The following KNDC1 variants were observed in gnomAD, a reference collection of about 807,000 sequenced individuals.
KNDC1 encodes the protein kinase non-catalytic C-lobe domain-containing protein 1.
KNDC1 carries 106 observed loss-of-function variants against 172.8 expected under a neutral mutation model. The observed-to-expected ratio is 0.61, with a 90% CI of 0.52 to 0.72. The LOEUF is 0.72. KNDC1 is among the 30% of genes least tolerant of loss of function. The probability of loss-of-function intolerance (pLI) is 0.00; values close to 1 mark genes in which losing one functional copy is unlikely to be tolerated. For synonymous variants in KNDC1, 1,083 were observed against 1,062.2 expected (o/e 1.02, Z -0.38); for missense variants, 2,325 against 2,394.5 (o/e 0.97, Z 0.61).
In KNDC1 at chr10:133,207,512, G is replaced by A. The variant is rs144156034; in HGVS notation, c.3794+161G>A. Among the ~76,000 whole-genome samples the A allele has an allele frequency of 2.2e-3, 330 of 152,360 alleles. 2 individuals are homozygous for A. Among genetic ancestry groups the A allele is most frequent in the Non-Finnish European group, 3.8e-3 (259 of 68,026 alleles). On this transcript the variant is annotated intron_variant, in intron 20 of 29. Coordinates refer to ENST00000304613, the MANE Select transcript of KNDC1 (RefSeq NM_152643.8). The stretch of plus-strand genomic sequence containing the variant: ...AGGCCAATGTGCACTAGGTGCCACC[G>A]GCAGCTTTGCAGAGCCCTGGCCAGA...
In KNDC1 at chr10:133,198,722, A is replaced by C. The variant is rs780880273; in HGVS notation, c.2214A>C (p.Pro738=). 1.9e-6 allele frequency: 3 copies of C among 1,576,398 alleles called. No homozygotes were observed. Among genetic ancestry groups the C allele is most frequent in the Non-Finnish European group, 2.6e-6 (3 of 1,162,024 alleles). The change falls in exon 14 of 30, where the codon CCA becomes CCC. Residue 738 remains proline (P), a synonymous_variant. Transcript: ENST00000304613. ...TPDGPVPGPG[P]QGAAPEPLGA... ...ACGGGCCGGTGCCTGGTCCGGGGCC[A>C]CAGGGAGCAGCCCCAGAGCCTCTTG...
At position 133,167,589 on chromosome 10, in the gene KNDC1, C is replaced by T. The variant is rs748596333; in HGVS notation, c.301+10C>T. On this transcript the variant is annotated intron_variant, in intron 2 of 29. Coordinates refer to ENST00000304613, the MANE Select transcript of KNDC1 (RefSeq NM_152643.8). ...ATGGAGCAGCTCAGCGGTGAGGCGG[C>T]GGTGGCGGTGGCGGCGGCGGCGGGC... is the stretch of plus-strand genomic sequence containing the variant. 206 of 1,566,058 alleles carry T rather than the reference C, an allele frequency of 1.3e-4. No homozygotes were observed. Among genetic ancestry groups the T allele is most frequent in the Non-Finnish European group, 1.7e-4 (192 of 1,156,544 alleles).
chr10:133,184,718 G>A (rs1564883228), intron 5 of KNDC1, among the ~76,000 whole-genome samples: 1 of 152,268 alleles, frequency 6.6e-6, no homozygotes, highest in Non-Finnish European at 1.5e-5. Context: ...TGCCAGCCTT[G>A]CAGGCACCCA....
intron 9 of KNDC1, among the ~76,000 whole-genome samples, chr10:133,190,633 T>C (rs1854051997): frequency 6.6e-6 from 1 of 152,252 alleles, no homozygotes; most frequent in Admixed American, 6.5e-5. Flanking sequence ...CTTTTTCATC[T>C]TCTGGGGATG....
chr10:133,197,662 ACCT>A lies in KNDC1; in HGVS notation c.1813-7_1813-5del. The A allele has an allele frequency of 6.2e-7, 1 of 1,603,696 alleles. No individual in the cohort carries two copies. Among genetic ancestry groups the A allele is most frequent in the Non-Finnish European group, 8.5e-7 (1 of 1,172,326 alleles). On this transcript the variant is annotated splice_polypyrimidine_tract_variant and intron_variant, in intron 11 of 29. Transcript: ENST00000304613. Reference sequence around the variant, plus strand: ...CGTGGTCACCTGGCCCAGGGCTGTCACCTCCTCCCCAGGTGTACCAGGAGGAAG... The same window carrying A: ...CGTGGTCACCTGGCCCAGGGCTGTCACCTCCCCAGGTGTACCAGGAGGAAG...
Position 133,187,411 on chromosome 10 carries a change from C to G in KNDC1, c.1326+737C>G, listed in dbSNP as rs11816429. ...TCCTTGGCTCCTCAGTGAGCCACCCCCAGCTGTGTCCCCGTGAGCTCCTCC... is the reference window on the plus strand; with the variant it reads ...TCCTTGGCTCCTCAGTGAGCCACCCGCAGCTGTGTCCCCGTGAGCTCCTCC... On this transcript the variant is annotated intron_variant, in intron 6 of 29. Transcript: ENST00000304613. Among the ~76,000 whole-genome samples the G allele has an allele frequency of 5.3e-3, 806 of 152,386 alleles. 5 individuals are homozygous for G. Among genetic ancestry groups the G allele is most frequent in the African/African-American group, 0.018 (759 of 41,598 alleles).
chr10:133,203,066 C>G (rs1387637382), intron 17 of KNDC1, among the ~76,000 whole-genome samples: 3 of 151,354 alleles, frequency 2.0e-5, no homozygotes, highest in African/African-American at 7.3e-5. Context: ...GGCCCCCAAA[C>G]TGGCAGAGTC....
Position 133,218,749 on chromosome 10 carries a change from G to C in KNDC1, c.4678-82G>C, listed in dbSNP as rs958799308. 5.3e-6 allele frequency: 8 copies of C among 1,513,074 alleles called. No homozygotes were observed. The African/African-American group carries it at 6.9e-5, about 13-fold the overall frequency. The allele number at this position is 1,513,074 out of a possible 1,614,324, so 93.7% of individuals were successfully genotyped here. A position where few individuals can be genotyped will look rare whatever the true frequency, so the allele number is the denominator to read the frequency against. ...GCACACGCTCTTGTGTCTTGGAGCTGGGTGATTTTAACAGGTTCTCAAATA... is the reference window on the plus strand; with the variant it reads ...GCACACGCTCTTGTGTCTTGGAGCTCGGTGATTTTAACAGGTTCTCAAATA... On this transcript the variant is annotated intron_variant, in intron 26 of 29. Coordinates refer to ENST00000304613, the MANE Select transcript of KNDC1 (RefSeq NM_152643.8).
At chr10:133,188,738 G>A (rs1304649247) in intron 7 of KNDC1, 85 bp downstream of exon 7, 14 of 530,340 alleles carry the variant, frequency 2.6e-5, no homozygotes, top group Non-Finnish European at 4.1e-5. Context: ...CACCCCCGCC[G>A]TCCCACCCCC....
chr10:133,214,748 G>A (rs1053671783), intron 26 of KNDC1, among the ~76,000 whole-genome samples: 3 of 152,216 alleles, frequency 2.0e-5, no homozygotes, highest in Non-Finnish European at 1.5e-5. Flanking sequence ...CCAGCGCCGG[G>A]GCCCAGTCTC....
rs1231869422 is a variant in KNDC1, at chr10:133,221,866, C to A, written c.5018+1754C>A. On this transcript the variant is annotated intron_variant, in intron 29 of 29. Transcript: ENST00000304613. ...GGGTGCAGCCACTCACGCCTGTAACCCTAGGTGGGCAGGGCTGGGTGCAGC... is the reference window on the plus strand; with the variant it reads ...GGGTGCAGCCACTCACGCCTGTAACACTAGGTGGGCAGGGCTGGGTGCAGC... Among the ~76,000 whole-genome samples the A allele has an allele frequency of 1.8e-5, 2 of 113,460 alleles. 1 individual carries two copies. Among genetic ancestry groups the A allele is most frequent in the African/African-American group, 6.0e-5 (2 of 33,404 alleles). The allele number at this position is 113,460 out of a possible 152,430, so 74.4% of individuals were successfully genotyped here. A position where few individuals can be genotyped will look rare whatever the true frequency, so the allele number is the denominator to read the frequency against.
intron 3 of KNDC1, among the ~76,000 whole-genome samples, chr10:133,178,247 T>C (rs916557157): frequency 2.0e-5 from 3 of 152,038 alleles, no homozygotes; most frequent in African/African-American, 4.8e-5. Context: ...GTGTTGCATG[T>C]CACAGGCACA....
At chr10:133,161,891 C>T (rs780417098) in intron 1 of KNDC1, among the ~76,000 whole-genome samples, 2 of 152,238 alleles carry the variant, frequency 1.3e-5, no homozygotes, top group Non-Finnish European at 2.9e-5. Flanking sequence ...CACACGGAGG[C>T]AGCAGCCGGT....
chr10:133,224,869 G>A lies in KNDC1; in HGVS notation c.5229G>A (p.Arg1743=), dbSNP rs138781397. 16 of 1,613,650 alleles carry A rather than the reference G, an allele frequency of 9.9e-6. No individual in the cohort carries two copies. In the African/African-American group the frequency reaches 1.6e-4, roughly 16 times the overall value. ...HSRKIQDKLR[R]MKATFQ ...GGAAGATTCAGGACAAGCTACGGAG[G>A]ATGAAGGCTACATTCCAGTAGCCGA... Residue 1743 remains arginine, a synonymous_variant, in exon 30 of 30, where the codon AGG becomes AGA. Coordinates refer to ENST00000304613, the MANE Select transcript of KNDC1 (RefSeq NM_152643.8). The surrounding 1 kb of genome is among the most constrained non-coding windows in gnomAD (Gnocchi z 5.4).
intron 5 of KNDC1, among the ~76,000 whole-genome samples, chr10:133,184,268 C>T (rs991887900): frequency 6.7e-6 from 1 of 149,062 alleles, no homozygotes; most frequent in Non-Finnish European, 1.5e-5. Flanking sequence ...GTTACACACA[C>T]CCATGCACAC....
At position 133,186,240 on chromosome 10, in the gene KNDC1, A is replaced by G. The variant is rs1853911647; in HGVS notation, c.892A>G (p.Arg298Gly). 5.6e-6 allele frequency: 9 copies of G among 1,595,050 alleles called. No homozygotes were observed. Among genetic ancestry groups the G allele is most frequent in the Non-Finnish European group, 7.7e-6 (9 of 1,171,546 alleles). The change falls in exon 6 of 30, where the codon AGG becomes GGG. Residue 298 changes from arginine to glycine, a missense_variant. By Grantham distance (125) the Arg-to-Gly change is moderately radical. Transcript: ENST00000304613. ...TLGELDRDALRRSRLRKVQTF... is the reference protein window; with the variant it reads ...TLGELDRDALGRSRLRKVQTF... The stretch of plus-strand genomic sequence containing the variant: ...CGGGGAGCTGGACAGAGACGCCCTC[A>G]GGAGAAGCCGCCTGCGGAAGGTGCA...
intron 26 of KNDC1, among the ~76,000 whole-genome samples, chr10:133,218,321 A>G (rs1845509560): frequency 5.3e-5 from 8 of 152,256 alleles, no homozygotes; most frequent in Admixed American, 5.2e-4. Flanking sequence ...CAAGGCCAGC[A>G]AGGTCGTCAC....
chr10:133,169,982 A>C (rs1365150295), intron 3 of KNDC1, among the ~76,000 whole-genome samples: 6 of 152,110 alleles, frequency 3.9e-5, no homozygotes, highest in African/African-American at 1.4e-4. Context: ...CCTCGGGGCC[A>C]TTTTTAACTT....
At chr10:133,193,867 A>G (rs1160186482) in intron 9 of KNDC1, among the ~76,000 whole-genome samples, 7 of 152,230 alleles carry the variant, frequency 4.6e-5, no homozygotes, top group Non-Finnish European at 1.0e-4. Flanking sequence ...GTCCGCCCAG[A>G]AGACATAGCA....
Sources: allele counts gnomAD v4.1 joint callset (sites outside exome capture counted in the v4.1 genomes callset), GRCh38; gene constraint gnomAD v4.1.1; non-coding constraint Gnocchi (gnomAD v3.1); transcripts MANE v1.5; gene names NCBI Gene and HGNC (gene_info 2026-07-23, HGNC 2026-07-21).